EBF2: variants seen among roughly 807,000 people sequenced by gnomAD.
EBF2 encodes the protein transcription factor COE2.
EBF2 carries 21 observed loss-of-function variants against 72.8 expected under a neutral mutation model. The ratio of observed to expected loss-of-function variants is 0.29; its 90% CI spans 0.20 to 0.42. The LOEUF (loss-of-function observed/expected upper bound fraction) is 0.42. Among genes scored for constraint, EBF2 ranks in the 10% least tolerant of loss-of-function variants. EBF2 has a pLI of 1.00. For missense variants in EBF2, 637 were observed against 731.2 expected, an observed-to-expected ratio of 0.87 and a Z score of 1.49; for synonymous variants, 299 against 274.2, an observed-to-expected ratio of 1.09 and a Z score of -0.89.
At chr8:26,010,988 T>TACACACACACAC (rs36211488) in intron 6 of EBF2, among the ~76,000 whole-genome samples, 3,821 of 150,802 alleles carry the variant, frequency 0.025, 65 homozygotes, top group South Asian at 0.046. Flanking sequence ...TATGTGTGCA[T>TACACACACACAC]ACACACACAC....
chr8:25,858,542 C>T (rs539938292), intron 13 of EBF2, 38 bp from the exon 14 acceptor site: 19 of 1,579,896 alleles, frequency 1.2e-5, no homozygotes, highest in East Asian at 4.6e-5. Flanking sequence ...AATCAACAGG[C>T]GTGCACAGTC....
chr8:25,991,181 C>A (rs997042736), intron 6 of EBF2, among the ~76,000 whole-genome samples: 1 of 152,158 alleles, frequency 6.6e-6, no homozygotes, highest in Non-Finnish European at 1.5e-5. Context: ...GCATTCTCTT[C>A]CAATAATACT....
At chr8:25,865,635 C>G (rs967387735) in intron 10 of EBF2, among the ~76,000 whole-genome samples, 1 of 151,810 alleles carries the variant, frequency 6.6e-6, no homozygotes, top group Admixed American at 6.5e-5. Context: ...CCCTGTTGCC[C>G]AGGCTGGTCT....
At chr8:26,020,060 A>G (rs145587678) in intron 6 of EBF2, among the ~76,000 whole-genome samples, 1 of 152,282 alleles carries the variant, frequency 6.6e-6, no homozygotes, top group Non-Finnish European at 1.5e-5. Context: ...ATGGAGAAAG[A>G]TAAGAAAGAT....
intron 6 of EBF2, among the ~76,000 whole-genome samples, chr8:26,017,812 G>C (rs1162044829): frequency 6.6e-6 from 1 of 152,100 alleles, no homozygotes; most frequent in African/African-American, 2.4e-5. Context: ...AATCTCTTTT[G>C]GCACCTAGAG....
intron 6 of EBF2, among the ~76,000 whole-genome samples, chr8:26,023,148 C>G (rs1383039102): frequency 2.0e-5 from 3 of 152,166 alleles, no homozygotes; most frequent in Non-Finnish European, 4.4e-5. Flanking sequence ...GCCCTGTTCA[C>G]TCCAATAGAA....
In EBF2 at chr8:25,926,241, C is replaced by T. The variant is rs904914489; in HGVS notation, c.552-17686G>A. Reference sequence around the variant, plus strand: ...CCGTATGGTGGCCTGGTTGAGAAGTCGAGGGTTTCTGTGTATTCTCTGGCC... The same window carrying T: ...CCGTATGGTGGCCTGGTTGAGAAGTTGAGGGTTTCTGTGTATTCTCTGGCC... On this transcript the variant is annotated intron_variant, in intron 6 of 15. Transcript: ENST00000520164. Among the ~76,000 whole-genome samples, 8 of 151,968 alleles carry T rather than the reference C, an allele frequency of 5.3e-5. No individual in the cohort carries two copies. In the East Asian group the frequency reaches 9.7e-4, roughly 18 times the overall value.
chr8:26,012,540 T>C (rs1805041488), intron 6 of EBF2, among the ~76,000 whole-genome samples: 1 of 152,170 alleles, frequency 6.6e-6, no homozygotes. Context: ...GCCCTTTCAT[T>C]TATACCAAGA....
chr8:26,007,133 C>G (rs1804895547), intron 6 of EBF2, among the ~76,000 whole-genome samples: 1 of 152,190 alleles, frequency 6.6e-6, no homozygotes, highest in Non-Finnish European at 1.5e-5. Flanking sequence ...TCTCCTGGCT[C>G]TTTGGAGCCA....
Position 25,881,211 on chromosome 8 carries a change from C to G in EBF2, c.1009+5544G>C, listed in dbSNP as rs557036911. Among the ~76,000 whole-genome samples the G allele has an allele frequency of 3.3e-5, 5 of 152,320 alleles. No individual in the cohort carries two copies. In the East Asian group the frequency reaches 9.6e-4, roughly 29 times the overall value. The stretch of plus-strand genomic sequence containing the variant: ...TCTGATGGTGGCAATATTCCCAAAG[C>G]TTCCCATGGCGCTTGAGGAAGAGCT... On this transcript the variant is annotated intron_variant, in intron 10 of 15. Coordinates refer to ENST00000520164, the MANE Select transcript of EBF2 (RefSeq NM_022659.4).
intron 6 of EBF2, among the ~76,000 whole-genome samples, chr8:25,952,054 A>G (rs1803871743): frequency 6.6e-6 from 1 of 152,200 alleles, no homozygotes; most frequent in African/African-American, 2.4e-5. Context: ...ACCCTGTGGA[A>G]GGCCAAGGCA....
At chr8:25,889,608 T>A in intron 8 of EBF2, 144 bp downstream of exon 8, 1 of 635,574 alleles carries the variant, frequency 1.6e-6, no homozygotes, top group Non-Finnish European at 2.7e-6. Flanking sequence ...GAGTCTGTGT[T>A]TACAACTTCG....
chr8:25,943,489 A>T (rs1176516352), intron 6 of EBF2, among the ~76,000 whole-genome samples: 1 of 152,064 alleles, frequency 6.6e-6, no homozygotes, highest in Non-Finnish European at 1.5e-5. Context: ...CAGTCTGGAC[A>T]ACAGAGCTAG....
intron 6 of EBF2, among the ~76,000 whole-genome samples, chr8:25,979,007 C>G (rs1400925066): frequency 6.6e-6 from 1 of 152,160 alleles, no homozygotes; most frequent in Non-Finnish European, 1.5e-5. Flanking sequence ...AATCTTGTGA[C>G]ACGGAGGGTT....
chr8:25,917,106 A>G (rs2117130164), intron 6 of EBF2, among the ~76,000 whole-genome samples: 1 of 152,164 alleles, frequency 6.6e-6, no homozygotes, highest in South Asian at 2.1e-4. Flanking sequence ...ACAAGGGGCC[A>G]ATTTGATTCT....
chr8:26,032,857 G>A (rs1345563009), intron 6 of EBF2: 3 of 549,162 alleles, frequency 5.5e-6, no homozygotes, highest in Non-Finnish European at 9.8e-6. Context: ...GCTGAAGCTG[G>A]TGCACCTGGA....
chr8:26,019,203 T>C (rs1805165643), intron 6 of EBF2, among the ~76,000 whole-genome samples: 1 of 152,148 alleles, frequency 6.6e-6, no homozygotes, highest in African/African-American at 2.4e-5. Flanking sequence ...GTCATCCCAT[T>C]TGATTAACAG....
At chr8:25,905,497 C>CCATTT in intron 7 of EBF2, among the ~76,000 whole-genome samples, 1 of 152,066 alleles carries the variant, frequency 6.6e-6, no homozygotes, top group Non-Finnish European at 1.5e-5. Flanking sequence ...ATGGAATAGT[C>CCATTT]AAGCTGTAAA....
At chr8:25,845,197 T>G (rs1434018351) in intron 15 of EBF2, among the ~76,000 whole-genome samples, 1 of 152,134 alleles carries the variant, frequency 6.6e-6, no homozygotes, top group Admixed American at 6.5e-5. Context: ...AAATGAACAC[T>G]GATCACTGGA....
Sources: allele counts gnomAD v4.1 joint callset (sites outside exome capture counted in the v4.1 genomes callset), GRCh38; gene constraint gnomAD v4.1.1; transcripts MANE v1.5; gene names NCBI Gene and HGNC (gene_info 2026-07-23, HGNC 2026-07-21).